Variants in EYA4 observed in about 807,000 individuals in gnomAD.
EYA4 encodes the protein protein phosphatase EYA4.
Under a neutral mutation model 87.9 loss-of-function variants are expected in EYA4, and 31 were observed. The observed-to-expected ratio is 0.35, with a 90% CI of 0.27 to 0.48. The LOEUF (loss-of-function observed/expected upper bound fraction) is 0.48. Among genes scored for constraint, EYA4 ranks in the 20% least tolerant of loss-of-function variants. The pLI is 0.99. For synonymous variants in EYA4, 263 were observed against 270.6 expected (o/e 0.97, Z 0.28); for missense variants, 678 against 761.4 (o/e 0.89, Z 1.29).
intron 2 of EYA4, among the ~76,000 whole-genome samples, chr6:133,319,722 C>T (rs1297189727): frequency 2.8e-5 from 4 of 143,338 alleles, no homozygotes; most frequent in South Asian, 2.2e-4. Context: ...TTCTTTTCTT[C>T]TTTTTTTTTT....
chr6:133,507,980 A>G (rs1798795886), intron 14 of EYA4, among the ~76,000 whole-genome samples: 1 of 151,286 alleles, frequency 6.6e-6, no homozygotes, highest in South Asian at 2.1e-4. Context: ...ACTAATTTAC[A>G]CTCCCACCAA....
At chr6:133,294,375 T>C (rs1285146323) in intron 2 of EYA4, among the ~76,000 whole-genome samples, 1 of 142,684 alleles carries the variant, frequency 7.0e-6, no homozygotes, top group Non-Finnish European at 1.5e-5. Context: ...GTTTTTTTTG[T>C]TTTTTTTTTT....
At position 133,461,189 on chromosome 6, in the gene EYA4, T is replaced by C. The variant is rs771482120; in HGVS notation, c.437+9T>C. On this transcript the variant is annotated intron_variant, in intron 7 of 19. Transcript: ENST00000355286. Reference sequence around the variant, plus strand: ...CAGCTGTATCCTTCCAAGTAAGTGGTCAGTAGATTCTTGCTTTAAATTGGC... The same window carrying C: ...CAGCTGTATCCTTCCAAGTAAGTGGCCAGTAGATTCTTGCTTTAAATTGGC... 6.2e-7 allele frequency: 1 copy of C among 1,603,034 alleles called. No homozygotes were observed. The highest frequency in any genetic ancestry group is 1.1e-5 in the South Asian group (1 of 90,860).
intron 3 of EYA4, among the ~76,000 whole-genome samples, chr6:133,383,517 C>CA (rs768724484): frequency 0.029 from 1,293 of 45,176 alleles, 271 homozygotes; most frequent in African/African-American, 0.068. Context: ...GACTCCATCT[C>CA]AAAAAAAAAA....
intron 1 of EYA4, among the ~76,000 whole-genome samples, chr6:133,273,098 T>TATATATATATATATATATAA (rs1554213961): frequency 0.29 from 24,240 of 82,468 alleles, 2,630 homozygotes; most frequent in East Asian, 0.49. Flanking sequence ...TATATATATG[T>TATATATATATATATATATAA]ATATATATAT....
In EYA4 at chr6:133,525,084, A is replaced by T. The variant is rs757511560; in HGVS notation, c.1739-70A>T. On this transcript the variant is annotated intron_variant, in intron 18 of 19. Transcript: ENST00000355286. ...AACATAACTTATGTTGTGATTGGAG[A>T]TGGCCGAGATGAGGAGCATGCCGCT... is the stretch of plus-strand genomic sequence containing the variant. The T allele has an allele frequency of 2.1e-5, 34 of 1,613,522 alleles. 1 individual carries two copies. Among genetic ancestry groups the T allele is most frequent in the Non-Finnish European group, 1.7e-6 (2 of 1,179,702 alleles).
At position 133,243,621 on chromosome 6, in the gene EYA4, CG is replaced by C. The variant is rs565733739; in HGVS notation, c.-66+1875del. Among the ~76,000 whole-genome samples, 463 of 147,784 alleles carry C rather than the reference CG, an allele frequency of 3.1e-3. 1 individual carries two copies. Among genetic ancestry groups the C allele is most frequent in the Middle Eastern group, 7.1e-3 (2 of 280 alleles). On this transcript the variant is annotated intron_variant, in intron 1 of 19. Coordinates refer to ENST00000355286, the MANE Select transcript of EYA4 (RefSeq NM_004100.5). ...AGGGATTGTACTTGAATTCCTTTCC[CG>C]GGTACGGTTTGGTTTTAAGCAGAAT...
chr6:133,356,994 A>C (rs9483578), intron 2 of EYA4, among the ~76,000 whole-genome samples: 1 of 151,864 alleles, frequency 6.6e-6, no homozygotes, highest in Non-Finnish European at 1.5e-5. Context: ...AGAAAAGGCC[A>C]GGCGCGGTGG....
intron 2 of EYA4, among the ~76,000 whole-genome samples, chr6:133,296,639 C>T (rs920639258): frequency 1.3e-4 from 20 of 151,976 alleles, no homozygotes; most frequent in African/African-American, 4.8e-4. Context: ...TGATGAGAAG[C>T]TTTTCGGGAG....
chr6:133,378,928 T>G (rs926547956), intron 2 of EYA4, among the ~76,000 whole-genome samples: 2 of 106,098 alleles, frequency 1.9e-5, no homozygotes, highest in Non-Finnish European at 4.5e-5. Context: ...TCTGTCTTGG[T>G]GTGTGTGTGT....
intron 3 of EYA4, among the ~76,000 whole-genome samples, chr6:133,402,747 G>A (rs1397809181): frequency 6.6e-6 from 1 of 151,768 alleles, no homozygotes; most frequent in Non-Finnish European, 1.5e-5. Flanking sequence ...CACACAGCCA[G>A]GAGAAATAAA....
chr6:133,432,667 T>C (rs953349085), intron 3 of EYA4, among the ~76,000 whole-genome samples: 23 of 152,138 alleles, frequency 1.5e-4, no homozygotes, highest in African/African-American at 5.6e-4. Context: ...TATACTCTGA[T>C]TTGTATATTA....
At chr6:133,325,888 G>C (rs1056458451) in intron 2 of EYA4, among the ~76,000 whole-genome samples, 1 of 152,186 alleles carries the variant, frequency 6.6e-6, no homozygotes, top group Non-Finnish European at 1.5e-5. Flanking sequence ...ACAGGCTGTA[G>C]TTTGCCAGCC....
Position 133,387,190 on chromosome 6 carries a change from T to C in EYA4, c.83+4749T>C, listed in dbSNP as rs1446112666. Among the ~76,000 whole-genome samples, 3 of 152,258 alleles carry C rather than the reference T, an allele frequency of 2.0e-5. No individual in the cohort carries two copies. The East Asian group carries it at 5.8e-4, about 29-fold the overall frequency. On this transcript the variant is annotated intron_variant, in intron 3 of 19. Transcript: ENST00000355286. ...TCCTATTATGTAGACAGTTGTGATT[T>C]AATAATGTTTAATGTATTAAATTAT...
At chr6:133,276,901 C>CAAAAAAAAAA (rs3065337) in intron 2 of EYA4, among the ~76,000 whole-genome samples, 2 of 133,690 alleles carry the variant, frequency 1.5e-5, no homozygotes, top group Non-Finnish European at 1.6e-5. Flanking sequence ...ATAGAAATGT[C>CAAAAAAAAAA]AAAAAAAAAA....
chr6:133,370,881 T>C (rs1785216245), intron 2 of EYA4, among the ~76,000 whole-genome samples: 1 of 152,202 alleles, frequency 6.6e-6, no homozygotes, highest in South Asian at 2.1e-4. Flanking sequence ...AATAGTAAGA[T>C]CAAGTTTAAT....
intron 3 of EYA4, among the ~76,000 whole-genome samples, chr6:133,429,307 G>A (rs532286913): frequency 1.3e-3 from 196 of 151,694 alleles, no homozygotes; most frequent in African/African-American, 4.5e-3. Flanking sequence ...TTAGGTAAAA[G>A]GAAGTGAGAC....
chr6:133,351,798 T>C (rs2128426552), intron 2 of EYA4, among the ~76,000 whole-genome samples: 1 of 152,242 alleles, frequency 6.6e-6, no homozygotes, highest in East Asian at 1.9e-4. Flanking sequence ...ATTATGGAAA[T>C]TTTCAAATGT....
At chr6:133,277,290 G>A (rs983167182) in intron 2 of EYA4, among the ~76,000 whole-genome samples, 1 of 152,156 alleles carries the variant, frequency 6.6e-6, no homozygotes, top group Non-Finnish European at 1.5e-5. Flanking sequence ...GTGACCTAGA[G>A]AGTGTCAAGG....
Sources: allele counts gnomAD v4.1 joint callset (sites outside exome capture counted in the v4.1 genomes callset), GRCh38; gene constraint gnomAD v4.1.1; transcripts MANE v1.5; gene names NCBI Gene and HGNC (gene_info 2026-07-23, HGNC 2026-07-21).